The following ELP4 variants were observed in gnomAD, a reference collection of about 807,000 sequenced individuals.
ELP4 encodes the protein elongator complex protein 4.
In ELP4, 51 loss-of-function variants were observed where a neutral mutation model predicts 48.9. The observed-to-expected ratio is 1.04, with a 90% confidence interval of 0.83 to 1.32. The LOEUF is 1.32. ELP4 is among the 40% of genes most tolerant of loss of function. The pLI is 0.00. For missense variants in ELP4, 519 were observed against 514.6 expected (o/e 1.01, Z -0.08); for synonymous variants, 210 against 189.2 (o/e 1.11, Z -0.90).
intron 3 of ELP4, among the ~76,000 whole-genome samples, chr11:31,589,398 A>G (rs1260400146): frequency 1.3e-5 from 2 of 152,238 alleles, no homozygotes; most frequent in Non-Finnish European, 2.9e-5. Context: ...GCACAGATGA[A>G]AGTGAAATGG....
intron 9 of ELP4, chr11:31,762,228 T>C (rs1321632962): frequency 1.3e-5 from 2 of 152,112 alleles, no homozygotes; most frequent in East Asian, 3.8e-4. Context: ...ATGCACAAAT[T>C]AGATTATATG....
intron 9 of ELP4, among the ~76,000 whole-genome samples, chr11:31,750,828 G>A (rs1209307559): frequency 1.3e-5 from 2 of 152,030 alleles, no homozygotes; most frequent in East Asian, 3.9e-4. Context: ...CTCCCTAACT[G>A]TTCAGCTCCA....
At chr11:31,777,963 T>G (rs1364819052) in intron 9 of ELP4, among the ~76,000 whole-genome samples, 2 of 152,220 alleles carry the variant, frequency 1.3e-5, no homozygotes, top group Admixed American at 6.5e-5. Flanking sequence ...GATGAGTATA[T>G]CATCCTGCAG....
rs572127655 is a variant in ELP4, at chr11:31,576,420, G to A, written c.382-18350G>A. Among the ~76,000 whole-genome samples the A allele has an allele frequency of 9.9e-5, 15 of 152,168 alleles. No homozygotes were observed. In the East Asian group the frequency reaches 1.5e-3, roughly 16 times the overall value. ...TAACAAGGATATCCAGGAATTGAAC[G>A]CAGCTCTGCACCAGGCAGACCTAAT... On this transcript the variant is annotated intron_variant, in intron 3 of 9. Coordinates refer to ENST00000640961, the MANE Select transcript of ELP4 (RefSeq NM_019040.5).
At chr11:31,721,593 C>T (rs1946959350) in intron 9 of ELP4, among the ~76,000 whole-genome samples, 1 of 151,942 alleles carries the variant, frequency 6.6e-6, no homozygotes, top group Admixed American at 6.6e-5. Flanking sequence ...GATTTGCCTT[C>T]TTTCATTCAG....
chr11:31,666,351 T>C (rs1050981527), intron 9 of ELP4, among the ~76,000 whole-genome samples: 10 of 152,114 alleles, frequency 6.6e-5, no homozygotes, highest in African/African-American at 2.4e-4. Context: ...TTGAAGAGAA[T>C]AATAAACTGA....
At chr11:31,551,429 A>G (rs1430004389) in intron 3 of ELP4, among the ~76,000 whole-genome samples, 2 of 152,200 alleles carry the variant, frequency 1.3e-5, no homozygotes, top group Admixed American at 6.5e-5. Context: ...AAGCTTTACC[A>G]TAAATTTGAT....
In ELP4 at chr11:31,647,869, T is replaced by C. The variant is rs902692650; in HGVS notation, c.1036+20T>C. On this transcript the variant is annotated intron_variant, in intron 8 of 9. Coordinates refer to ENST00000640961, the MANE Select transcript of ELP4 (RefSeq NM_019040.5). ...ATCATGGTAAGTACAACCTTCATAA[T>C]GAGAAGAGCAGGAGCAGGCTGCTTC... 1 of 1,431,956 alleles carries C rather than the reference T, an allele frequency of 7.0e-7. No individual in the cohort carries two copies. The highest frequency in any genetic ancestry group is 9.8e-7 in the Non-Finnish European group (1 of 1,015,632). 88.7% of individuals were successfully genotyped at this position (1,431,956 alleles called of 1,614,324 possible).
intron 9 of ELP4, among the ~76,000 whole-genome samples, chr11:31,706,429 A>G (rs914495542): frequency 2.0e-5 from 3 of 151,390 alleles, no homozygotes; most frequent in Non-Finnish European, 1.5e-5. Flanking sequence ...CCAGCACTTC[A>G]AGACCAGCCT....
chr11:31,723,591 C>G (rs1317945050), intron 9 of ELP4, among the ~76,000 whole-genome samples: 1 of 152,134 alleles, frequency 6.6e-6, no homozygotes, highest in Non-Finnish European at 1.5e-5. Context: ...AGACATTGTT[C>G]TAAGCACTTT....
At chr11:31,561,564 C>T (rs1047506038) in intron 3 of ELP4, among the ~76,000 whole-genome samples, 1 of 152,086 alleles carries the variant, frequency 6.6e-6, no homozygotes, top group African/African-American at 2.4e-5. Flanking sequence ...GCCTCAGCCT[C>T]CTCCAAGTAG....
chr11:31,754,600 C>T (rs947782202), intron 9 of ELP4, among the ~76,000 whole-genome samples: 5 of 152,052 alleles, frequency 3.3e-5, no homozygotes, highest in African/African-American at 1.2e-4. Context: ...GCTGGGCATG[C>T]TGGCTCATGC....
intron 5 of ELP4, among the ~76,000 whole-genome samples, chr11:31,609,324 C>T (rs1449588680): frequency 6.6e-6 from 1 of 152,034 alleles, no homozygotes; most frequent in East Asian, 1.9e-4. Context: ...CTTTGAAAGC[C>T]AGGTTGAGAA....
At chr11:31,744,040 TA>T (rs1489791858) in intron 9 of ELP4, among the ~76,000 whole-genome samples, 14 of 151,776 alleles carry the variant, frequency 9.2e-5, no homozygotes, top group Non-Finnish European at 1.3e-4. Flanking sequence ...ATAGACGCAA[TA>T]AAAAATGATA....
intron 9 of ELP4, among the ~76,000 whole-genome samples, chr11:31,735,088 G>T (rs1947278188): frequency 6.6e-6 from 1 of 150,886 alleles, no homozygotes; most frequent in Admixed American, 6.6e-5. Context: ...TGACAAAGGT[G>T]CCAAGAATAC....
intron 6 of ELP4, among the ~76,000 whole-genome samples, chr11:31,629,703 AAC>A (rs1247709299): frequency 6.6e-6 from 1 of 151,812 alleles, no homozygotes; most frequent in Non-Finnish European, 1.5e-5. Flanking sequence ...CTGAAATGTT[AAC>A]AGAGAAAACA....
chr11:31,630,280 A>G (rs1015121362), intron 6 of ELP4, among the ~76,000 whole-genome samples: 1 of 127,052 alleles, frequency 7.9e-6, no homozygotes, highest in Admixed American at 8.8e-5. Context: ...CCAGGCCATT[A>G]TATCCCTTCA....
chr11:31,709,568 G>A (rs898001867), intron 9 of ELP4, among the ~76,000 whole-genome samples: 5 of 152,126 alleles, frequency 3.3e-5, no homozygotes, highest in South Asian at 2.1e-4. Context: ...CAGTATCTGC[G>A]GACTTGGATT....
intron 3 of ELP4, among the ~76,000 whole-genome samples, chr11:31,540,313 G>C (rs1956571933): frequency 6.6e-6 from 1 of 152,130 alleles, no homozygotes; most frequent in Non-Finnish European, 1.5e-5. Context: ...GTTAGATAAA[G>C]TATATGAGTT....
Sources: allele counts gnomAD v4.1 joint callset (sites outside exome capture counted in the v4.1 genomes callset), GRCh38; gene constraint gnomAD v4.1.1; transcripts MANE v1.5; gene names NCBI Gene and HGNC (gene_info 2026-07-23, HGNC 2026-07-21).